Variants in LOXL2 observed in about 807,000 individuals in gnomAD.
LOXL2 encodes the protein lysyl oxidase like 2.
A neutral mutation model predicts 93.0 loss-of-function variants in LOXL2; 70 were observed. That is an observed-to-expected ratio of 0.75 (90% confidence interval 0.62 to 0.92). The LOEUF (loss-of-function observed/expected upper bound fraction) is 0.92. Ranked by LOEUF, LOXL2 falls within the 40% of genes least tolerant of loss-of-function variation. The pLI is 0.00. For synonymous variants in LOXL2, 438 were observed against 413.2 expected, an observed-to-expected ratio of 1.06 and a Z score of -0.73; for missense variants, 973 against 1,054.9, an observed-to-expected ratio of 0.92 and a Z score of 1.08.
At chr8:23,346,182 T>TAATAA (rs1310826066) in intron 3 of LOXL2, among the ~76,000 whole-genome samples, 42 of 100,482 alleles carry the variant, frequency 4.2e-4, no homozygotes, top group African/African-American at 9.3e-4. Context: ...ATAAATAAAA[T>TAATAA]AATAAAATAA....
intron 1 of LOXL2, among the ~76,000 whole-genome samples, chr8:23,369,333 C>T (rs534710852): frequency 6.6e-6 from 1 of 152,170 alleles, no homozygotes; most frequent in Admixed American, 6.5e-5. Flanking sequence ...TTGGTCCTCC[C>T]GTAATTCAGA....
intron 1 of LOXL2, among the ~76,000 whole-genome samples, chr8:23,369,578 A>G (rs1266956616): frequency 6.6e-6 from 1 of 152,152 alleles, no homozygotes; most frequent in Non-Finnish European, 1.5e-5. Flanking sequence ...TGGAGGGATG[A>G]TCTGCCTTGG....
In LOXL2 at chr8:23,333,387, T is replaced by A; in HGVS notation, c.966+14A>T. On this transcript the variant is annotated intron_variant, in intron 5 of 13. Coordinates refer to ENST00000389131, the MANE Select transcript of LOXL2 (RefSeq NM_002318.3). ...CCAGGTGCCAAGTGGCCACACCTCG[T>A]GCCCCGTCCTCACCTCTGGCTTGTA... The A allele has an allele frequency of 4.3e-6, 7 of 1,613,000 alleles. No homozygotes were observed. Among genetic ancestry groups the A allele is most frequent in the Non-Finnish European group, 4.2e-6 (5 of 1,179,402 alleles).
intron 3 of LOXL2, among the ~76,000 whole-genome samples, chr8:23,345,222 G>A (rs1803950290): frequency 6.6e-6 from 1 of 152,108 alleles, no homozygotes; most frequent in Non-Finnish European, 1.5e-5. Flanking sequence ...ATTGAGTTCT[G>A]ACCCCCAAAC....
At chr8:23,335,807 G>A (rs901687548) in intron 4 of LOXL2, among the ~76,000 whole-genome samples, 3 of 152,094 alleles carry the variant, frequency 2.0e-5, no homozygotes, top group Non-Finnish European at 4.4e-5. Flanking sequence ...GAGTGAATGG[G>A]GTGTGAAGAC....
chr8:23,331,485 G>T (rs1483132473), intron 5 of LOXL2: 1 of 152,220 alleles, frequency 6.6e-6, no homozygotes, highest in East Asian at 1.9e-4. Context: ...AAGTACTGAG[G>T]TTTTACCTGG....
At chr8:23,302,223 T>A in intron 11 of LOXL2, 60 bp from the exon 12 acceptor site, 1 of 1,598,424 alleles carries the variant, frequency 6.3e-7, no homozygotes, top group Non-Finnish European at 8.6e-7. Context: ...TGCCGCACCC[T>A]CTTCCTGCTT....
At position 23,368,074 on chromosome 8, in the gene LOXL2, G is replaced by A; in HGVS notation, c.278C>T (p.Ala93Val). The part of the protein sequence containing the change: ...VCDDDFSIHA[A>V]HVVCRELGYV... ...GCCCAGCTCCCGGCAGACGACGTGG[G>A]CAGCGTGGATGGAGAAGTCGTCATC... The change falls in exon 2 of 14, where the codon GCC (alanine) becomes GTC (valine). Residue 93 changes from alanine to valine, a missense_variant. Ala to Val is a moderately conservative substitution (Grantham distance 64). Coordinates refer to ENST00000389131, the MANE Select transcript of LOXL2 (RefSeq NM_002318.3). 6.2e-7 allele frequency: 1 copy of A among 1,614,066 alleles called. No individual in the cohort carries two copies. Among genetic ancestry groups the A allele is most frequent in the Non-Finnish European group, 8.5e-7 (1 of 1,180,048 alleles).
At chr8:23,388,659 ACACACACACACT>A (rs1211120568) in intron 1 of LOXL2, among the ~76,000 whole-genome samples, 4 of 130,882 alleles carry the variant, frequency 3.1e-5, no homozygotes, top group Non-Finnish European at 6.9e-5. Flanking sequence ...ACACACACAC[ACACACACACACT>A]AGAAATGTAC....
intron 1 of LOXL2, chr8:23,402,831 G>T (rs1395581242): frequency 6.6e-6 from 1 of 151,972 alleles, no homozygotes; most frequent in Non-Finnish European, 1.5e-5. Flanking sequence ...AAGATCTTAG[G>T]GACGAAACTA....
chr8:23,334,677 GT>G (rs397937491), intron 4 of LOXL2, among the ~76,000 whole-genome samples: 2,211 of 148,472 alleles, frequency 0.015, 22 homozygotes, highest in Middle Eastern at 0.034. Flanking sequence ...AGGTAATTCA[GT>G]TTTTTTTTTT....
intron 1 of LOXL2, chr8:23,370,909 A>G (rs1164836833): frequency 6.6e-6 from 1 of 152,296 alleles, no homozygotes; most frequent in Non-Finnish European, 1.5e-5. Flanking sequence ...TGTGCAGAGG[A>G]AATAATGGAA....
chr8:23,305,434 G>C (rs1352486414), intron 10 of LOXL2, among the ~76,000 whole-genome samples: 1 of 152,132 alleles, frequency 6.6e-6, no homozygotes, highest in Non-Finnish European at 1.5e-5. Flanking sequence ...TTGCCTCTTA[G>C]GCGTATGCGG....
chr8:23,398,532 G>A (rs560767189), intron 1 of LOXL2, among the ~76,000 whole-genome samples: 1 of 152,314 alleles, frequency 6.6e-6, no homozygotes, highest in Non-Finnish European at 1.5e-5. Context: ...CATCTGCTGA[G>A]TTAGTTCTTG....
At chr8:23,330,424 G>C (rs1351131454) in intron 5 of LOXL2, among the ~76,000 whole-genome samples, 1 of 152,142 alleles carries the variant, frequency 6.6e-6, no homozygotes, top group Non-Finnish European at 1.5e-5. Flanking sequence ...TGCAACCTCT[G>C]TTTTCTGTAG....
At chr8:23,312,045 C>A (rs1379565776) in intron 9 of LOXL2, among the ~76,000 whole-genome samples, 5 of 152,194 alleles carry the variant, frequency 3.3e-5, no homozygotes, top group African/African-American at 4.8e-5. Context: ...AACTAGAAAT[C>A]TAGAAGAAAT....
intron 1 of LOXL2, among the ~76,000 whole-genome samples, chr8:23,399,476 G>A (rs888002583): frequency 6.6e-6 from 1 of 152,138 alleles, no homozygotes; most frequent in Non-Finnish European, 1.5e-5. Context: ...AGATGAATCG[G>A]TTATCATGGG....
chr8:23,334,240 T>C (rs1331630745), intron 4 of LOXL2, among the ~76,000 whole-genome samples: 1 of 152,220 alleles, frequency 6.6e-6, no homozygotes, highest in Non-Finnish European at 1.5e-5. Context: ...GGTTTCGCCA[T>C]GTTGGCCAGG....
chr8:23,301,270 G>A (rs985331269), intron 12 of LOXL2, among the ~76,000 whole-genome samples: 1 of 152,202 alleles, frequency 6.6e-6, no homozygotes, highest in Admixed American at 6.5e-5. Context: ...ACGTGTACCC[G>A]TGCACTGGGA....
Sources: gnomAD v4.1 joint callset for allele counts (sites outside exome capture counted in the v4.1 genomes callset) on GRCh38, gnomAD v4.1.1 for gene constraint, MANE v1.5 for transcripts, NCBI Gene and HGNC (gene_info 2026-07-23, HGNC 2026-07-21) for gene names.